The following FAM98B variants were observed in gnomAD, a reference collection of about 807,000 sequenced individuals.
FAM98B encodes tRNA splicing ligase complex subunit 3B, also known as tRNA-splicing ligase complex subunit FAM98B.
FAM98B carries 32 observed loss-of-function variants against 43.9 expected under a neutral mutation model. That is an observed-to-expected ratio of 0.73 (90% CI 0.55 to 0.98). The LOEUF is 0.98. Ranked by LOEUF, FAM98B falls within the 50% of genes least tolerant of loss-of-function variation. FAM98B has a pLI of 0.00. For synonymous variants in FAM98B, 190 were observed against 174.0 expected (o/e 1.09, Z -0.72); for missense variants, 514 against 522.9 (o/e 0.98, Z 0.17).
chr15:38,467,337 T>A (rs78890913), intron 3 of FAM98B, among the ~76,000 whole-genome samples: 1,563 of 152,290 alleles, frequency 0.01, 33 homozygotes, highest in African/African-American at 0.036. Flanking sequence ...AGAGCTTTTA[T>A]AAATCAACAG....
chr15:38,481,600 T>C, intron 7 of FAM98B, 141 bp downstream of exon 7: 1 of 1,598,862 alleles, frequency 6.3e-7, no homozygotes, highest in Non-Finnish European at 8.5e-7. Context: ...CTAGGCTTAG[T>C]TATGTTATTT....
intron 1 of FAM98B, chr15:38,458,821 G>C (rs1280959167): frequency 4.2e-6 from 2 of 480,776 alleles, no homozygotes; most frequent in Non-Finnish European, 8.4e-6. Context: ...CTGGGAACAG[G>C]TTCAGCAACT....
In FAM98B at chr15:38,486,118, T is replaced by C. The variant is rs184242199; in HGVS notation, c.*1459T>C. 5.7e-4 allele frequency: 87 copies of C among 152,280 alleles called. 1 individual carries two copies. Among genetic ancestry groups the C allele is most frequent in the African/African-American group, 2.0e-3 (84 of 41,582 alleles). The allele number at this position is 152,280 out of a possible 1,614,324, so 9.4% of individuals were successfully genotyped here. A position where few individuals can be genotyped will look rare whatever the true frequency, so the allele number is the denominator to read the frequency against. On this transcript the variant is annotated 3_prime_UTR_variant, in exon 8 of 8. Transcript: ENST00000397609. ...AATGTTAAAACCCTAAAAGTAACTA[T>C]TGAATATTCTGTAATCTTAGACATG...
Position 38,465,422 on chromosome 15 carries a change from T to C in FAM98B, c.352+19T>C. On this transcript the variant is annotated intron_variant, in intron 3 of 7. Transcript: ENST00000397609. Reference sequence around the variant, plus strand: ...CTTCTATGTAAGTTATCTTGAACATTTAAATGCATGTGTTTGACATGGTTT... The same window carrying C: ...CTTCTATGTAAGTTATCTTGAACATCTAAATGCATGTGTTTGACATGGTTT... 6.4e-7 allele frequency: 1 copy of C among 1,556,578 alleles called. No individual in the cohort carries two copies. Among genetic ancestry groups the C allele is most frequent in the Non-Finnish European group, 8.7e-7 (1 of 1,154,420 alleles).
At chr15:38,478,995 T>TGTTAA (rs1743692786) in intron 6 of FAM98B, among the ~76,000 whole-genome samples, 2 of 152,186 alleles carry the variant, frequency 1.3e-5, no homozygotes, top group Admixed American at 1.3e-4. Flanking sequence ...GTAGTCTTGT[T>TGTTAA]GTTGCCCAGG....
intron 1 of FAM98B, among the ~76,000 whole-genome samples, chr15:38,463,307 A>G (rs1477463209): frequency 6.6e-6 from 1 of 152,000 alleles, no homozygotes; most frequent in African/African-American, 2.4e-5. Context: ...CCTGGCCAAC[A>G]TGGCTAAACC....
Position 38,481,416 on chromosome 15 carries a change from G to C in FAM98B, c.854G>C (p.Ser285Thr). 6.2e-7 allele frequency: 1 copy of C among 1,614,200 alleles called. No individual in the cohort carries two copies. ...GATCTATCCAAGATCATTAGGACAA[G>C]TAGTGGCACCAGCCGGGAGAAGACC... is the stretch of plus-strand genomic sequence containing the variant. The part of the protein sequence containing the change: ...REDLSKIIRT[S>T]SGTSREKTAC... Residue 285 changes from serine (S) to threonine (T), a missense_variant, in exon 7 of 8, where the codon AGT becomes ACT. By Grantham distance (58) the Ser-to-Thr change is moderately conservative. Around this residue, in one of 2 missense-constraint regions of FAM98B, gnomAD observed 469 missense variants for 451.8 expected, o/e 1.04. Transcript: ENST00000397609.
intron 3 of FAM98B, among the ~76,000 whole-genome samples, chr15:38,468,198 A>T (rs562722978): frequency 5.9e-5 from 9 of 152,170 alleles, no homozygotes; most frequent in East Asian, 5.8e-4. Context: ...TCTAAAATAT[A>T]AATTTTTGAA....
chr15:38,454,243 T>C lies in FAM98B; in HGVS notation c.71+11T>C, dbSNP rs35671060. ...ACTGGAGGCGCTGGGGTGAGTGCTT[T>C]TGGAGACGCCTTTTCCCTGAAAACG... On this transcript the variant is annotated intron_variant, in intron 1 of 7. Coordinates refer to ENST00000397609, the MANE Select transcript of FAM98B (RefSeq NM_173611.4). 7.4e-3 allele frequency: 11,833 copies of C among 1,596,886 alleles called. 82 individuals carry two copies. Among genetic ancestry groups the C allele is most frequent in the Non-Finnish European group, 9.1e-3 (10,632 of 1,173,268 alleles).
At chr15:38,455,810 T>C (rs1236120538) in intron 1 of FAM98B, among the ~76,000 whole-genome samples, 1 of 152,228 alleles carries the variant, frequency 6.6e-6, no homozygotes. Context: ...TTTTAGAAAA[T>C]TCATTGCTAT....
rs562718867 is a variant in FAM98B at position 38,454,253 on chromosome 15, C to CT, written c.71+25dup. ...CTGGGGTGAGTGCTTTTGGAGACGC[C>CT]TTTTCCCTGAAAACGCAACCTCTCC... On this transcript the variant is annotated intron_variant, in intron 1 of 7. Coordinates refer to ENST00000397609, the MANE Select transcript of FAM98B (RefSeq NM_173611.4). 508 of 1,590,788 alleles carry CT rather than the reference C, an allele frequency of 3.2e-4. 2 individuals are homozygous for CT. The African/African-American group carries it at 5.9e-3, about 19-fold the overall frequency.
intron 6 of FAM98B, among the ~76,000 whole-genome samples, chr15:38,479,396 C>G (rs943081240): frequency 3.3e-5 from 5 of 152,188 alleles, no homozygotes; most frequent in Non-Finnish European, 5.9e-5. Flanking sequence ...AGCAGTCATT[C>G]CCAATATTCC....
chr15:38,480,136 A>G (rs746194968), intron 6 of FAM98B, among the ~76,000 whole-genome samples: 1 of 151,966 alleles, frequency 6.6e-6, no homozygotes, highest in Non-Finnish European at 1.5e-5. Context: ...ATGTTGTTTT[A>G]TATCTTTTAA....
At chr15:38,457,889 A>C (rs1422742877) in intron 1 of FAM98B, among the ~76,000 whole-genome samples, 1 of 152,120 alleles carries the variant, frequency 6.6e-6, no homozygotes, top group Non-Finnish European at 1.5e-5. Context: ...AACTCCTACT[A>C]TCTGACCTTA....
At position 38,465,402 on chromosome 15, in the gene FAM98B, A is replaced by G. The variant is rs150615011; in HGVS notation, c.351A>G (p.Leu117=). 4.9e-5 allele frequency: 77 copies of G among 1,583,640 alleles called. No homozygotes were observed. The highest frequency in any genetic ancestry group is 2.6e-4 in the African/African-American group (19 of 73,688). ...LKKKEDCLKL[L]LFLSTELQAS... is the part of the protein sequence containing the mutation. ...AGAAGGAGGACTGTTTGAAACTTCT[A>G]TGTAAGTTATCTTGAACATTTAAAT... Residue 117 remains leucine (L), a splice_region_variant and synonymous_variant, in exon 3 of 8, where the codon CTA becomes CTG. Coordinates refer to ENST00000397609, the MANE Select transcript of FAM98B (RefSeq NM_173611.4).
rs572714895 is a variant in FAM98B, at chr15:38,479,124, A to G, written c.730-2168A>G. Among the ~76,000 whole-genome samples, 4 of 152,084 alleles carry G rather than the reference A, an allele frequency of 2.6e-5. No individual in the cohort carries two copies. In the East Asian group the frequency reaches 7.8e-4, roughly 30 times the overall value. ...CAGACGTGTGCCACCACACCTGGCTAATTAAAAATTTTGTTTTATTTTTTA... is the reference window on the plus strand; with the variant it reads ...CAGACGTGTGCCACCACACCTGGCTGATTAAAAATTTTGTTTTATTTTTTA... On this transcript the variant is annotated intron_variant, in intron 6 of 7. Coordinates refer to ENST00000397609, the MANE Select transcript of FAM98B (RefSeq NM_173611.4).
chr15:38,463,333 A>T (rs1889978176), intron 1 of FAM98B, among the ~76,000 whole-genome samples: 1 of 151,920 alleles, frequency 6.6e-6, no homozygotes, highest in Non-Finnish European at 1.5e-5. Flanking sequence ...TCTACTAAAA[A>T]TACAAACATT....
intron 4 of FAM98B, 47 bp downstream of exon 4, chr15:38,470,452 A>G: frequency 2.1e-6 from 3 of 1,461,458 alleles, no homozygotes; most frequent in African/African-American, 1.4e-5. Context: ...GAATGGTAAC[A>G]TGTAAGTGCT....
At position 38,484,273 on chromosome 15, in the gene FAM98B, C is replaced by T; in HGVS notation, c.916C>T (p.Pro306Ser). Residue 306 changes from proline to serine, a missense_variant, in exon 8 of 8, where the codon CCT becomes TCT. Transcript: ENST00000397609. ...AINKVLMGRV[P>S]DRGGRPNEIE... ...CACACAGGTGCTGATGGGAAGGGTGCCTGACAGGGGAGGCCGGCCGAATGA... is the reference window on the plus strand; with the variant it reads ...CACACAGGTGCTGATGGGAAGGGTGTCTGACAGGGGAGGCCGGCCGAATGA... The T allele has an allele frequency of 1.3e-6, 2 of 1,549,380 alleles. No individual in the cohort carries two copies. The highest frequency in any genetic ancestry group is 2.4e-5 in the South Asian group (2 of 83,964).
Sources: allele counts gnomAD v4.1 joint callset (sites outside exome capture counted in the v4.1 genomes callset), GRCh38; gene constraint gnomAD v4.1.1; regional missense constraint gnomAD v4.1.1; transcripts MANE v1.5; gene names NCBI Gene and HGNC (gene_info 2026-07-23, HGNC 2026-07-21).